Variants in DCLK1 observed in about 807,000 individuals in gnomAD.
DCLK1 encodes the protein serine/threonine-protein kinase DCLK1.
A neutral mutation model predicts 86.2 loss-of-function variants in DCLK1; 16 were observed. That is an observed-to-expected ratio of 0.19 (90% CI 0.13 to 0.28). DCLK1 has a LOEUF of 0.28. Ranked by LOEUF, DCLK1 falls within the 10% of genes least tolerant of loss-of-function variation. DCLK1 has a pLI of 1.00. For missense variants in DCLK1, 590 were observed against 940.2 expected, an observed-to-expected ratio of 0.63 and a Z score of 4.87; for synonymous variants, 369 against 370.5, an observed-to-expected ratio of 1.00 and a Z score of 0.05.
intron 4 of DCLK1, among the ~76,000 whole-genome samples, chr13:35,906,617 T>A (rs1355974886): frequency 6.6e-6 from 1 of 152,126 alleles, no homozygotes; most frequent in Non-Finnish European, 1.5e-5. Context: ...ACACAGGAGA[T>A]GTGTTGGTTG....
At chr13:35,923,202 G>T (rs888562225) in intron 4 of DCLK1, among the ~76,000 whole-genome samples, 2 of 152,072 alleles carry the variant, frequency 1.3e-5, no homozygotes, top group Non-Finnish European at 2.9e-5. Context: ...TGAAATAAAG[G>T]ATTGTGACCA....
chr13:35,886,116 A>G (rs972014793), intron 4 of DCLK1, among the ~76,000 whole-genome samples: 1 of 148,768 alleles, frequency 6.7e-6, no homozygotes, highest in African/African-American at 2.5e-5. Flanking sequence ...GGTTCAAGCG[A>G]TTCTCCTGCC....
At chr13:36,066,087 T>C (rs1883742479) in intron 3 of DCLK1, among the ~76,000 whole-genome samples, 2 of 152,186 alleles carry the variant, frequency 1.3e-5, no homozygotes. Flanking sequence ...CTAATTTAAA[T>C]AGCATTTTAT....
intron 4 of DCLK1, among the ~76,000 whole-genome samples, chr13:35,873,388 T>C (rs116412251): frequency 0.024 from 3,613 of 151,996 alleles, 149 homozygotes; most frequent in African/African-American, 0.083. Flanking sequence ...AATTGTACTT[T>C]TTTTTTTCCC....
intron 3 of DCLK1, among the ~76,000 whole-genome samples, chr13:36,040,479 C>G (rs746606773): frequency 1.3e-5 from 2 of 150,840 alleles, no homozygotes; most frequent in African/African-American, 4.9e-5. Context: ...AAAGCGGCAT[C>G]CTTATAACAC....
At chr13:35,800,883 ATTT>A (rs34873101) in intron 15 of DCLK1, among the ~76,000 whole-genome samples, 50 of 135,260 alleles carry the variant, frequency 3.7e-4, no homozygotes, top group South Asian at 7.3e-4. Flanking sequence ...TGCTGGGCTA[ATTT>A]TTTTTTTTTT....
intron 2 of DCLK1, among the ~76,000 whole-genome samples, chr13:36,119,254 T>A (rs533748927): frequency 1.1e-4 from 16 of 151,306 alleles, no homozygotes; most frequent in Non-Finnish European, 1.9e-4. Flanking sequence ...CTTAAAAGAG[T>A]GGTTAAAATA....
intron 3 of DCLK1, among the ~76,000 whole-genome samples, chr13:35,981,585 T>C (rs894785811): frequency 1.3e-5 from 2 of 152,210 alleles, no homozygotes; most frequent in Non-Finnish European, 2.9e-5. Context: ...TAGAGTATCA[T>C]ACAGAGTAGC....
At chr13:36,067,561 T>C (rs989100491) in intron 3 of DCLK1, among the ~76,000 whole-genome samples, 13 of 151,674 alleles carry the variant, frequency 8.6e-5, no homozygotes, top group African/African-American at 3.1e-4. Flanking sequence ...AGTATAATAA[T>C]AATAAAATTA....
intron 3 of DCLK1, among the ~76,000 whole-genome samples, chr13:35,979,705 A>T (rs1323684287): frequency 1.3e-5 from 2 of 152,222 alleles, no homozygotes; most frequent in Non-Finnish European, 2.9e-5. Context: ...CATTTACCTT[A>T]TTCAAATCTT....
chr13:35,848,279 TCCA>T, intron 6 of DCLK1: 1 of 984,828 alleles, frequency 1.0e-6, no homozygotes, highest in Non-Finnish European at 1.2e-6. Context: ...CCAATTCTGT[TCCA>T]CCAATGAACT....
intron 9 of DCLK1, 86 bp from the exon 10 acceptor site, chr13:35,827,840 G>T (rs929759859): frequency 6.7e-6 from 10 of 1,499,326 alleles, no homozygotes; most frequent in Non-Finnish European, 9.0e-6. Context: ...CTATGTAAGG[G>T]TCAAGAGAGA....
At chr13:35,995,144 A>AAAGAAAAGATT (rs1880414727) in intron 3 of DCLK1, among the ~76,000 whole-genome samples, 2 of 152,082 alleles carry the variant, frequency 1.3e-5, no homozygotes, top group Non-Finnish European at 2.9e-5. Flanking sequence ...TCTTTCTTAA[A>AAAGAAAAGATT]CCTCTGCTCC....
rs1285295159 is a variant in DCLK1, at chr13:35,770,696, T to C, written c.*3839A>G. 3.3e-5 allele frequency: 5 copies of C among 152,232 alleles called. No homozygotes were observed. The highest frequency in any genetic ancestry group is 7.3e-5 in the Non-Finnish European group (5 of 68,030). 9.4% of individuals were successfully genotyped at this position (152,232 alleles called of 1,614,324 possible). A position where few individuals can be genotyped will look rare whatever the true frequency, so the allele number is the denominator to read the frequency against. On this transcript the variant is annotated 3_prime_UTR_variant, in exon 17 of 17. Coordinates refer to ENST00000360631, the MANE Select transcript of DCLK1 (RefSeq NM_001330071.2). The stretch of plus-strand genomic sequence containing the variant: ...GAAAAGATATGTTATCTACAATATA[T>C]GCCAGGTGACCCATTAAATTTAAAA...
intron 3 of DCLK1, among the ~76,000 whole-genome samples, chr13:36,004,711 G>A (rs891551719): frequency 6.6e-6 from 1 of 152,052 alleles, no homozygotes; most frequent in African/African-American, 2.4e-5. Flanking sequence ...AAGTAGCTGG[G>A]ACTACAGGAA....
chr13:36,002,937 G>T (rs549438354), intron 3 of DCLK1, among the ~76,000 whole-genome samples: 1 of 152,170 alleles, frequency 6.6e-6, no homozygotes, highest in Non-Finnish European at 1.5e-5. Context: ...CCTTGTCAGG[G>T]CAGTCCCCTG....
At chr13:35,995,508 TA>T (rs1351393789) in intron 3 of DCLK1, among the ~76,000 whole-genome samples, 1 of 152,252 alleles carries the variant, frequency 6.6e-6, no homozygotes, top group Non-Finnish European at 1.5e-5. Flanking sequence ...TACTTTCATA[TA>T]AATGTTCCTT....
intron 4 of DCLK1, among the ~76,000 whole-genome samples, chr13:35,895,969 ACTCT>A (rs1873948486): frequency 2.0e-5 from 3 of 151,838 alleles, no homozygotes; most frequent in South Asian, 2.1e-4. Flanking sequence ...TAAACCTAAA[ACTCT>A]CTCTAACAAA....
chr13:35,813,089 G>A (rs1354164643), intron 11 of DCLK1, among the ~76,000 whole-genome samples: 1 of 152,214 alleles, frequency 6.6e-6, no homozygotes, highest in Non-Finnish European at 1.5e-5. Flanking sequence ...AAAGAAATCT[G>A]AGATGGAAAC....
Sources: gnomAD v4.1 joint callset for allele counts (sites outside exome capture counted in the v4.1 genomes callset) on GRCh38, gnomAD v4.1.1 for gene constraint, MANE v1.5 for transcripts, NCBI Gene and HGNC (gene_info 2026-07-23, HGNC 2026-07-21) for gene names.